CAPN5: variants seen among roughly 807,000 people sequenced by gnomAD.
The protein encoded by CAPN5 is calpain-5.
CAPN5 carries 54 observed loss-of-function variants against 73.0 expected under a neutral mutation model. The observed-to-expected ratio is 0.74, with a 90% CI of 0.59 to 0.93. The LOEUF (loss-of-function observed/expected upper bound fraction) is 0.93, where lower values mean the gene tolerates loss of function less well. Ranked by LOEUF, CAPN5 falls within the 40% of genes least tolerant of loss-of-function variation. CAPN5 has a pLI of 0.00. For missense variants in CAPN5, 785 were observed against 882.9 expected (o/e 0.89, Z 1.41); for synonymous variants, 335 against 356.9 (o/e 0.94, Z 0.69).
At chr11:77,121,892 C>A in intron 10 of CAPN5, 42 bp from the exon 11 acceptor site, 1 of 1,136,656 alleles carries the variant, frequency 8.8e-7, no homozygotes. Context: ...GTCTTCCTGG[C>A]CCTTCTCCAT....
At chr11:77,116,032 G>A (rs1236600622) in intron 6 of CAPN5, among the ~76,000 whole-genome samples, 194 bp from the exon 7 acceptor site, 1 of 152,090 alleles carries the variant, frequency 6.6e-6, no homozygotes, top group East Asian at 1.9e-4. Context: ...GGCAGCTCAC[G>A]GTCCCTTGTG....
intron 6 of CAPN5, 105 bp from the exon 7 acceptor site, chr11:77,116,121 C>A: frequency 9.7e-7 from 1 of 1,027,910 alleles, no homozygotes; most frequent in Non-Finnish European, 1.5e-6. Context: ...CGCTGGAGGC[C>A]TGGTGCAAGA....
At chr11:77,084,684 T>C (rs1305140431) in intron 1 of CAPN5, among the ~76,000 whole-genome samples, 168 bp from the exon 2 acceptor site, 27 of 152,212 alleles carry the variant, frequency 1.8e-4, no homozygotes, top group Admixed American at 1.8e-3. Flanking sequence ...GTCAGGCCGG[T>C]CGGTGTCTGT....
intron 1 of CAPN5, among the ~76,000 whole-genome samples, chr11:77,075,221 T>G (rs1555033751): frequency 6.6e-6 from 1 of 152,092 alleles, no homozygotes; most frequent in East Asian, 1.9e-4. Context: ...CCTTTTTTTC[T>G]GAGCACCATG....
chr11:77,122,554 AT>A, intron 11 of CAPN5, 21 bp from the exon 12 acceptor site: 3 of 509,714 alleles, frequency 5.9e-6, no homozygotes, highest in Non-Finnish European at 8.7e-6. Flanking sequence ...CCCTCACCCC[AT>A]CTCCCACTCC....
At chr11:77,105,697 T>G (rs1320904688) in intron 3 of CAPN5, among the ~76,000 whole-genome samples, 3 of 152,080 alleles carry the variant, frequency 2.0e-5, no homozygotes, top group African/African-American at 7.2e-5. Context: ...AACAGCTTGG[T>G]TCTGTGAAGG....
chr11:77,067,632 CGTGTGTGTGTGTGT>C (rs71043542), intron 1 of CAPN5, among the ~76,000 whole-genome samples: 3 of 126,638 alleles, frequency 2.4e-5, no homozygotes, highest in Non-Finnish European at 3.2e-5. Flanking sequence ...GGCGGGCGCA[CGTGTGTGTGTGTGT>C]GTGTGTGTGT....
chr11:77,068,593 T>A (rs1949870414), intron 1 of CAPN5, among the ~76,000 whole-genome samples: 1 of 152,148 alleles, frequency 6.6e-6, no homozygotes. Flanking sequence ...ATAGGTCAGA[T>A]GTGTGTCCAA....
Position 77,068,783 on chromosome 11 carries a change from G to A in CAPN5, c.-36+1689G>A, listed in dbSNP as rs146846665. ...AGAGCAGGGGTGCTGGGGGCAGGAG[G>A]TGCCCAGGGGCTAAGGGGCTACACA... On this transcript the variant is annotated intron_variant, in intron 1 of 12. Coordinates refer to ENST00000648180, the MANE Select transcript of CAPN5 (RefSeq NM_004055.5). Among the ~76,000 whole-genome samples the A allele has an allele frequency of 2.1e-3, 327 of 152,240 alleles. 2 individuals carry two copies. The highest frequency in any genetic ancestry group is 7.8e-3 in the African/African-American group (323 of 41,540).
At chr11:77,072,892 G>T in intron 1 of CAPN5, 1 of 341,918 alleles carries the variant, frequency 2.9e-6, no homozygotes, top group South Asian at 2.2e-5. Context: ...ACTCAATCAC[G>T]AGAGCCTGTG....
chr11:77,122,357 C>A (rs1236400456), intron 11 of CAPN5, among the ~76,000 whole-genome samples: 1 of 152,136 alleles, frequency 6.6e-6, no homozygotes, highest in Non-Finnish European at 1.5e-5. Context: ...GTGCTCCGGG[C>A]AGAGGGAGCA....
intron 5 of CAPN5, 29 bp downstream of exon 5, chr11:77,114,463 C>A (rs1555041354): frequency 6.3e-7 from 1 of 1,595,090 alleles, no homozygotes; most frequent in Non-Finnish European, 8.6e-7. Context: ...CCAGAGGCGA[C>A]CCCTCCCCTT....
chr11:77,120,607 TAAAGGGATTCCATC>T, intron 9 of CAPN5, 92 bp from the exon 10 acceptor site: 1 of 714,396 alleles, frequency 1.4e-6, no homozygotes, highest in Non-Finnish European at 2.3e-6. Context: ...ACATTTCATA[TAAAGGGATTCCATC>T]GTCCCTTCCA....
chr11:77,107,197 G>A (rs1229259619), intron 3 of CAPN5, among the ~76,000 whole-genome samples: 1 of 152,154 alleles, frequency 6.6e-6, no homozygotes, highest in African/African-American at 2.4e-5. Context: ...GAGTTTGAGA[G>A]TCTTGGAATC....
At chr11:77,103,451 C>G (rs1950310434) in intron 3 of CAPN5, 2 of 1,245,954 alleles carry the variant, frequency 1.6e-6, no homozygotes, top group East Asian at 2.3e-5. Context: ...TCTGCTTGCC[C>G]AGAGGCCCCC....
chr11:77,068,722 C>T (rs1949871785), intron 1 of CAPN5, among the ~76,000 whole-genome samples: 1 of 152,096 alleles, frequency 6.6e-6, no homozygotes, highest in Admixed American at 6.5e-5. Flanking sequence ...CAGGGCTAGG[C>T]TTGGCAGGGG....
chr11:77,098,061 C>A (rs1950231846), intron 3 of CAPN5, among the ~76,000 whole-genome samples: 1 of 91,874 alleles, frequency 1.1e-5, no homozygotes, highest in Non-Finnish European at 2.1e-5. Flanking sequence ...GCAGAGGCGC[C>A]CCTCACCTCC....
chr11:77,122,404 G>T (rs1378449775), intron 11 of CAPN5, among the ~76,000 whole-genome samples, 172 bp from the exon 12 acceptor site: 1 of 152,144 alleles, frequency 6.6e-6, no homozygotes, highest in Non-Finnish European at 1.5e-5. Flanking sequence ...GATGGCCAGT[G>T]TGCCCCTGCT....
chr11:77,092,608 G>A (rs782008879), intron 2 of CAPN5, among the ~76,000 whole-genome samples: 3 of 152,268 alleles, frequency 2.0e-5, no homozygotes, highest in African/African-American at 7.2e-5. Context: ...CCGGGTCAGC[G>A]GCTGCCCTGG....
Sources: allele counts gnomAD v4.1 joint callset (sites outside exome capture counted in the v4.1 genomes callset), GRCh38; gene constraint gnomAD v4.1.1; transcripts MANE v1.5; gene names NCBI Gene and HGNC (gene_info 2026-07-23, HGNC 2026-07-21).